The following CCBE1 variants were observed in gnomAD, a reference collection of about 807,000 sequenced individuals.
CCBE1 encodes the protein collagen and calcium-binding EGF domain-containing protein 1.
CCBE1 carries 37 observed loss-of-function variants against 50.0 expected under a neutral mutation model. The ratio of observed to expected loss-of-function variants is 0.74; its 90% CI spans 0.57 to 0.97. The LOEUF is 0.97. Among genes scored for constraint, CCBE1 ranks in the 50% least tolerant of loss-of-function variants. CCBE1 has a pLI of 0.00. For synonymous variants in CCBE1, 234 were observed against 203.7 expected (o/e 1.15, Z -1.27); for missense variants, 538 against 523.8 (o/e 1.03, Z -0.26).
chr18:59,624,335 A>T (rs557971539), intron 2 of CCBE1, among the ~76,000 whole-genome samples: 1 of 152,360 alleles, frequency 6.6e-6, no homozygotes, highest in East Asian at 1.9e-4. Context: ...CTGCAAATGC[A>T]AGGGCATACT....
chr18:59,575,828 C>T (rs538549728), intron 2 of CCBE1, among the ~76,000 whole-genome samples: 5 of 152,086 alleles, frequency 3.3e-5, no homozygotes, highest in Admixed American at 3.3e-4. Flanking sequence ...GGGTAAGAGC[C>T]CCTCCCACCT....
Position 59,673,977 on chromosome 18 carries a change from C to T in CCBE1, c.212+22652G>A, listed in dbSNP as rs146808909. On this transcript the variant is annotated intron_variant, in intron 2 of 10. Transcript: ENST00000439986. The stretch of plus-strand genomic sequence containing the variant: ...CTCATAAAATGAGTTAGAGGGGAGT[C>T]CCTCTTTTTCTATTGTTTGGAACAG... 9.7e-4 allele frequency among the ~76,000 whole-genome samples: 148 copies of T among 152,232 alleles called. 2 individuals are homozygous for T. In the South Asian group the frequency reaches 0.021, roughly 22 times the overall value.
rs944447461 is a variant in CCBE1 at position 59,471,687 on chromosome 18, C to A, written c.266-2080G>T. ...ACTTTGTGACTTGGGCTCTGGAGAC[C>A]ACATTATTCCTGTGTCAGTTGCCAG... On this transcript the variant is annotated intron_variant, in intron 3 of 10. Coordinates refer to ENST00000439986, the MANE Select transcript of CCBE1 (RefSeq NM_133459.4). Among the ~76,000 whole-genome samples, 3 of 152,174 alleles carry A rather than the reference C, an allele frequency of 2.0e-5. No individual in the cohort carries two copies. The East Asian group carries it at 5.8e-4, about 29-fold the overall frequency.
chr18:59,684,514 C>G (rs1407283306), intron 2 of CCBE1, among the ~76,000 whole-genome samples: 1 of 152,190 alleles, frequency 6.6e-6, no homozygotes, highest in Non-Finnish European at 1.5e-5. Flanking sequence ...AACTAGCAAG[C>G]TCTGAAATGT....
intron 5 of CCBE1, among the ~76,000 whole-genome samples, chr18:59,461,493 G>A (rs1223776059): frequency 6.6e-6 from 1 of 151,834 alleles, no homozygotes. Context: ...AATATTCCTG[G>A]TTACTGGTGT....
intron 2 of CCBE1, among the ~76,000 whole-genome samples, chr18:59,509,323 CATAA>C (rs1170891345): frequency 2.0e-5 from 3 of 152,052 alleles, no homozygotes; most frequent in Non-Finnish European, 2.9e-5. Flanking sequence ...TATATATACA[CATAA>C]ATATATATAT....
At chr18:59,493,463 G>C (rs949537702) in intron 2 of CCBE1, among the ~76,000 whole-genome samples, 2 of 152,048 alleles carry the variant, frequency 1.3e-5, no homozygotes, top group Non-Finnish European at 2.9e-5. Flanking sequence ...TTAAAAACTG[G>C]AAATATTAAG....
At chr18:59,467,241 A>G (rs867301946) in intron 4 of CCBE1, among the ~76,000 whole-genome samples, 1 of 152,192 alleles carries the variant, frequency 6.6e-6, no homozygotes, top group South Asian at 2.1e-4. Context: ...AGAAATGACA[A>G]TGAGATCACC....
intron 3 of CCBE1, among the ~76,000 whole-genome samples, chr18:59,471,152 G>A (rs1912015638): frequency 6.6e-6 from 1 of 152,184 alleles, no homozygotes; most frequent in Non-Finnish European, 1.5e-5. Context: ...GGGGAAGAAG[G>A]AGGCAGAGAG....
At chr18:59,598,094 A>T (rs1331919321) in intron 2 of CCBE1, among the ~76,000 whole-genome samples, 1 of 152,218 alleles carries the variant, frequency 6.6e-6, no homozygotes, top group African/African-American at 2.4e-5. Context: ...AACCAGTATC[A>T]TGCCCTCATC....
At chr18:59,639,162 G>T (rs1244441030) in intron 2 of CCBE1, among the ~76,000 whole-genome samples, 4 of 152,170 alleles carry the variant, frequency 2.6e-5, no homozygotes, top group Non-Finnish European at 5.9e-5. Flanking sequence ...AGTCCCAGGA[G>T]TGGAGGCTGA....
intron 6 of CCBE1, among the ~76,000 whole-genome samples, chr18:59,448,552 G>A (rs773908074): frequency 6.6e-6 from 1 of 152,170 alleles, no homozygotes; most frequent in African/African-American, 2.4e-5. Flanking sequence ...AGTTAGGACC[G>A]AGAACATGGC....
chr18:59,546,704 A>G (rs1195181709), intron 2 of CCBE1, among the ~76,000 whole-genome samples: 2 of 152,186 alleles, frequency 1.3e-5, no homozygotes, highest in African/African-American at 2.4e-5. Flanking sequence ...TATCTGGTAA[A>G]TATTTTCCTT....
At chr18:59,523,464 A>G (rs1206032383) in intron 2 of CCBE1, among the ~76,000 whole-genome samples, 1 of 151,934 alleles carries the variant, frequency 6.6e-6, no homozygotes. Flanking sequence ...GTATAACAGT[A>G]CCTATCTCAA....
intron 2 of CCBE1, among the ~76,000 whole-genome samples, chr18:59,631,057 T>C (rs1170848128): frequency 2.6e-5 from 4 of 152,326 alleles, no homozygotes; most frequent in Middle Eastern, 3.4e-3. Flanking sequence ...TGGGGAATGA[T>C]GACTTTTCCT....
chr18:59,669,826 A>G (rs78728971), intron 2 of CCBE1, among the ~76,000 whole-genome samples: 2,148 of 152,266 alleles, frequency 0.014, 54 homozygotes, highest in African/African-American at 0.049. Context: ...TAGATTAACT[A>G]TATCTGGCTT....
chr18:59,506,510 C>A (rs1483912855), intron 2 of CCBE1, among the ~76,000 whole-genome samples: 1 of 152,238 alleles, frequency 6.6e-6, no homozygotes, highest in Non-Finnish European at 1.5e-5. Context: ...CAGAAGAAAA[C>A]ACTGTGCTGG....
chr18:59,495,608 CT>C (rs572061962), intron 2 of CCBE1, among the ~76,000 whole-genome samples: 482 of 138,160 alleles, frequency 3.5e-3, no homozygotes, highest in Middle Eastern at 3.8e-3. Flanking sequence ...GGGTGCTTGC[CT>C]TTTTTTTTTT....
At chr18:59,568,910 A>T (rs1306325183) in intron 2 of CCBE1, among the ~76,000 whole-genome samples, 1 of 152,192 alleles carries the variant, frequency 6.6e-6, no homozygotes, top group South Asian at 2.1e-4. Flanking sequence ...ATCCAGGGAC[A>T]TCTTGCCAAC....
Sources: allele counts gnomAD v4.1 joint callset (sites outside exome capture counted in the v4.1 genomes callset), GRCh38; gene constraint gnomAD v4.1.1; transcripts MANE v1.5; gene names NCBI Gene and HGNC (gene_info 2026-07-23, HGNC 2026-07-21).